Variants in AXDND1 observed in about 807,000 individuals in gnomAD.
AXDND1 encodes axonemal dynein light chain domain containing 1.
AXDND1 carries 110 observed loss-of-function variants against 137.5 expected under a neutral mutation model. The ratio of observed to expected loss-of-function variants is 0.80; its 90% CI spans 0.69 to 0.94. AXDND1 has a LOEUF of 0.94. Among genes scored for constraint, AXDND1 ranks in the 40% least tolerant of loss-of-function variants. The probability of loss-of-function intolerance (pLI) is 0.00; values close to 1 mark genes in which losing one functional copy is unlikely to be tolerated. For missense variants in AXDND1, 1,191 were observed against 1,169.8 expected (o/e 1.02, Z -0.26); for synonymous variants, 414 against 399.7 (o/e 1.04, Z -0.43).
chr1:179,372,761 A>G (rs1296077366), intron 4 of AXDND1, among the ~76,000 whole-genome samples: 1 of 151,972 alleles, frequency 6.6e-6, no homozygotes, highest in Admixed American at 6.6e-5. Context: ...TCGGCTCACC[A>G]CAACCTCTGC....
In AXDND1 at chr1:179,491,733, A is replaced by G. The variant is rs1666921418; in HGVS notation, c.2287A>G (p.Ser763Gly). The G allele has an allele frequency of 1.3e-6, 2 of 1,551,076 alleles. No homozygotes were observed. The highest frequency in any genetic ancestry group is 8.7e-7 in the Non-Finnish European group (1 of 1,151,778). ...GTTGTACCAATACTCCAGCTATTTG[A>G]GCAGGTGAAGCGGTTATTTTATTGT... is the stretch of plus-strand genomic sequence containing the variant. ...RKLYQYSSYL[S>G]SCCKGMVTAM... The change falls in exon 19 of 26, where the codon AGC becomes GGC. Residue 763 changes from serine to glycine, a missense_variant. Ser to Gly is a moderately conservative substitution (Grantham distance 56). Coordinates refer to ENST00000367618, the MANE Select transcript of AXDND1 (RefSeq NM_144696.6).
intron 20 of AXDND1, among the ~76,000 whole-genome samples, chr1:179,495,244 A>G (rs1165708859): frequency 6.6e-6 from 1 of 152,022 alleles, no homozygotes; most frequent in African/African-American, 2.4e-5. Context: ...CCTTGCTGAG[A>G]TTTTAATTGA....
At chr1:179,491,918 G>C (rs1361654383) in intron 19 of AXDND1, among the ~76,000 whole-genome samples, 181 bp downstream of exon 19, 9 of 152,136 alleles carry the variant, frequency 5.9e-5, no homozygotes, top group Non-Finnish European at 1.2e-4. Context: ...TTTTTCTTTT[G>C]AAAACTGTTG....
rs768966932 is a variant in AXDND1 at position 179,430,448 on chromosome 1, A to G, written c.1333-4A>G. The G allele has an allele frequency of 3.3e-5, 53 of 1,600,936 alleles. No homozygotes were observed. The highest frequency in any genetic ancestry group is 9.4e-6 in the Non-Finnish European group (11 of 1,175,048). ...TATTATTTGATTCTATGCATTTTAT[A>G]TAGGACACTGAAGACCTTGCACTGT... On this transcript the variant is annotated splice_polypyrimidine_tract_variant and splice_region_variant and intron_variant, in intron 13 of 25. Coordinates refer to ENST00000367618, the MANE Select transcript of AXDND1 (RefSeq NM_144696.6).
chr1:179,550,175 TGA>T (rs1673066853), intron 25 of AXDND1, among the ~76,000 whole-genome samples: 1 of 152,222 alleles, frequency 6.6e-6, no homozygotes, highest in Non-Finnish European at 1.5e-5. Flanking sequence ...ATAATGTTAG[TGA>T]CTTTTTTAAG....
intron 25 of AXDND1, among the ~76,000 whole-genome samples, chr1:179,541,665 TA>T (rs1467809883): frequency 8.2e-4 from 112 of 136,902 alleles, no homozygotes; most frequent in Non-Finnish European, 1.6e-3. Context: ...ATATGCATGA[TA>T]ATATGCATAA....
intron 12 of AXDND1, among the ~76,000 whole-genome samples, chr1:179,414,573 C>A (rs532815714): frequency 9.2e-5 from 14 of 152,106 alleles, no homozygotes; most frequent in Non-Finnish European, 1.9e-4. Flanking sequence ...CTACAGGCGC[C>A]CGCCACCTCG....
At chr1:179,500,595 A>G (rs1346414780) in intron 20 of AXDND1, among the ~76,000 whole-genome samples, 5 of 152,162 alleles carry the variant, frequency 3.3e-5, no homozygotes, top group African/African-American at 1.2e-4. Flanking sequence ...AAAGATGTCA[A>G]TTCTCCTCAG....
At chr1:179,520,166 T>G (rs1217239907) in intron 21 of AXDND1, among the ~76,000 whole-genome samples, 1 of 152,176 alleles carries the variant, frequency 6.6e-6, no homozygotes. Flanking sequence ...GGAGTTCATT[T>G]GTGATTTGGC....
intron 15 of AXDND1, among the ~76,000 whole-genome samples, chr1:179,437,667 A>G (rs1273156300): frequency 1.5e-5 from 2 of 136,554 alleles, no homozygotes; most frequent in Non-Finnish European, 3.3e-5. Context: ...TTTACAGACT[A>G]TGAACAGAAG....
intron 25 of AXDND1, chr1:179,551,406 T>C: frequency 6.2e-7 from 1 of 1,614,030 alleles, no homozygotes; most frequent in South Asian, 1.1e-5. Flanking sequence ...TCAGCTGCCA[T>C]CCTCAGGGAC....
At chr1:179,443,828 G>A (rs1013981783) in intron 15 of AXDND1, among the ~76,000 whole-genome samples, 10 of 152,080 alleles carry the variant, frequency 6.6e-5, no homozygotes, top group Non-Finnish European at 1.2e-4. Flanking sequence ...TCAGAGCTTG[G>A]AAAATAGATT....
At chr1:179,468,248 A>G (rs1355063835) in intron 16 of AXDND1, among the ~76,000 whole-genome samples, 195 bp from the exon 17 acceptor site, 1 of 152,214 alleles carries the variant, frequency 6.6e-6, no homozygotes, top group Non-Finnish European at 1.5e-5. Context: ...TCATTAAAGC[A>G]CCAATTACAC....
In AXDND1 at chr1:179,551,047, G is replaced by A. The variant is rs544758616; in HGVS notation, c.3032-3465G>A. ...CTCATGGATGGTGCATTGTGACTTC[G>A]TGCATTCCATGGCCATTCCATATGG... On this transcript the variant is annotated intron_variant, in intron 25 of 25. Coordinates refer to ENST00000367618, the MANE Select transcript of AXDND1 (RefSeq NM_144696.6). The A allele has an allele frequency of 1.3e-4, 146 of 1,141,120 alleles. No homozygotes were observed. Among genetic ancestry groups the A allele is most frequent in the East Asian group, 2.0e-4 (8 of 40,882 alleles). The allele number at this position is 1,141,120 out of a possible 1,614,324, so 70.7% of individuals were successfully genotyped here.
chr1:179,392,026 G>C (rs1650283512), intron 9 of AXDND1, among the ~76,000 whole-genome samples: 1 of 152,062 alleles, frequency 6.6e-6, no homozygotes, highest in Admixed American at 6.6e-5. Flanking sequence ...ACCCTGTCTT[G>C]GGTATATCCT....
At chr1:179,443,390 T>C (rs10913762) in intron 15 of AXDND1, among the ~76,000 whole-genome samples, 48,172 of 152,058 alleles carry the variant, frequency 0.32, 7,941 homozygotes, top group African/African-American at 0.37. Context: ...TTTTTTATTG[T>C]GGTAAAATAT....
intron 12 of AXDND1, among the ~76,000 whole-genome samples, chr1:179,425,544 G>T (rs1047841691): frequency 2.0e-5 from 3 of 151,524 alleles, no homozygotes; most frequent in Admixed American, 6.6e-5. Flanking sequence ...TCCTGCCAAG[G>T]AATCAACATG....
intron 11 of AXDND1, among the ~76,000 whole-genome samples, chr1:179,399,606 C>T (rs755841876): frequency 1.3e-5 from 2 of 152,136 alleles, no homozygotes; most frequent in South Asian, 2.1e-4. Context: ...AGTGTTTGCA[C>T]AGCAAAAGGA....
chr1:179,490,764 T>TG (rs1228088828), intron 18 of AXDND1, among the ~76,000 whole-genome samples: 1 of 150,502 alleles, frequency 6.6e-6, no homozygotes, highest in Non-Finnish European at 1.5e-5. Context: ...CAGTACTTGT[T>TG]TTTTTTTTTT....
Sources: allele counts gnomAD v4.1 joint callset (sites outside exome capture counted in the v4.1 genomes callset), GRCh38; gene constraint gnomAD v4.1.1; transcripts MANE v1.5; gene names NCBI Gene and HGNC (gene_info 2026-07-23, HGNC 2026-07-21).